ATXN7L1: variants seen among roughly 807,000 people sequenced by gnomAD.
The protein encoded by ATXN7L1 is ataxin-7-like protein 1.
ATXN7L1 carries 15 observed loss-of-function variants against 70.8 expected under a neutral mutation model. That is an observed-to-expected ratio of 0.21 (90% CI 0.14 to 0.33). The LOEUF is 0.33. ATXN7L1 is among the 10% of genes least tolerant of loss of function. The probability of loss-of-function intolerance (pLI) is 1.00; values close to 1 mark genes in which losing one functional copy is unlikely to be tolerated. For missense variants in ATXN7L1, 975 were observed against 1,097.1 expected, an observed-to-expected ratio of 0.89 and a Z score of 1.57; for synonymous variants, 440 against 445.1, an observed-to-expected ratio of 0.99 and a Z score of 0.14.
intron 7 of ATXN7L1, among the ~76,000 whole-genome samples, chr7:105,634,335 T>C (rs1187752959): frequency 1.3e-5 from 2 of 152,174 alleles, no homozygotes. Flanking sequence ...CTTACCACTT[T>C]GAGGAAGCAG....
chr7:105,681,823 G>C (rs180861679), intron 3 of ATXN7L1, among the ~76,000 whole-genome samples: 6 of 152,272 alleles, frequency 3.9e-5, no homozygotes, highest in African/African-American at 1.2e-4. Context: ...TGAGGTGCTC[G>C]AGATAGTCAA....
intron 3 of ATXN7L1, among the ~76,000 whole-genome samples, chr7:105,682,487 A>T (rs1208767823): frequency 6.6e-6 from 1 of 152,268 alleles, no homozygotes; most frequent in Admixed American, 6.5e-5. Flanking sequence ...AAATGTTCAT[A>T]GCTGCTCTAT....
intron 7 of ATXN7L1, among the ~76,000 whole-genome samples, chr7:105,628,885 A>G (rs1167963792): frequency 1.3e-5 from 2 of 152,084 alleles, no homozygotes; most frequent in East Asian, 1.9e-4. Context: ...ATATGTGTAC[A>G]CTGTAAAATG....
intron 3 of ATXN7L1, among the ~76,000 whole-genome samples, chr7:105,688,962 G>T (rs946127638): frequency 6.6e-6 from 1 of 152,192 alleles, no homozygotes; most frequent in South Asian, 2.1e-4. Context: ...CATGGCTGTT[G>T]TTCCAGAAAA....
intron 5 of ATXN7L1, among the ~76,000 whole-genome samples, chr7:105,641,776 A>G (rs1350378264): frequency 6.6e-6 from 1 of 152,270 alleles, no homozygotes; most frequent in Admixed American, 6.5e-5. Flanking sequence ...ACAGTGGGTG[A>G]GCAGCGCAGG....
At chr7:105,809,221 G>C (rs185398310) in intron 2 of ATXN7L1, among the ~76,000 whole-genome samples, 3 of 152,320 alleles carry the variant, frequency 2.0e-5, no homozygotes, top group African/African-American at 7.2e-5. Context: ...CAAAGGGTTA[G>C]TGACTAATAT....
chr7:105,674,083 G>A (rs1020479782), intron 3 of ATXN7L1, among the ~76,000 whole-genome samples: 21 of 152,202 alleles, frequency 1.4e-4, no homozygotes, highest in Non-Finnish European at 2.6e-4. Context: ...AAAGATGGCA[G>A]GGCTGAGGAG....
chr7:105,707,062 C>T lies in ATXN7L1; in HGVS notation c.356-41774G>A, dbSNP rs548132123. 7.9e-5 allele frequency among the ~76,000 whole-genome samples: 12 copies of T among 152,306 alleles called. No homozygotes were observed. In the East Asian group the frequency reaches 1.9e-3, roughly 24 times the overall value. ...TGCACAGCATTTAGCACTTCTACTC[C>T]GATGGATGCCAGTTACCACAACAGC... On this transcript the variant is annotated intron_variant, in intron 3 of 11. Transcript: ENST00000419735.
intron 3 of ATXN7L1, among the ~76,000 whole-genome samples, chr7:105,769,005 G>A (rs1801642920): frequency 6.6e-6 from 1 of 152,218 alleles, no homozygotes; most frequent in African/African-American, 2.4e-5. Context: ...GTTGTGGGGA[G>A]TCAGGAATCC....
intron 2 of ATXN7L1, among the ~76,000 whole-genome samples, chr7:105,846,639 T>C (rs962193738): frequency 8.5e-5 from 13 of 152,236 alleles, no homozygotes; most frequent in African/African-American, 3.1e-4. Flanking sequence ...AGAAAACATA[T>C]GTCCACAAAA....
chr7:105,846,236 T>C (rs1282049807), intron 2 of ATXN7L1, among the ~76,000 whole-genome samples: 1 of 152,070 alleles, frequency 6.6e-6, no homozygotes, highest in African/African-American at 2.4e-5. Flanking sequence ...CTATTAGGGA[T>C]GCTAAGGTGG....
In ATXN7L1 at chr7:105,788,692, G is replaced by A; in HGVS notation, c.267C>T (p.Gly89=). The change falls in exon 3 of 12, where the codon GGC becomes GGT. Residue 89 remains glycine, a synonymous_variant. Transcript: ENST00000419735. ...AGAAGTCGTCATGTGCTGGGTAATGGCCAAATAAGTGCATATCTGTGGGGG... is the reference window on the plus strand; with the variant it reads ...AGAAGTCGTCATGTGCTGGGTAATGACCAAATAAGTGCATATCTGTGGGGG... ...RLNKEDMHLF[G]HYPAHDDFYL... 6.2e-7 allele frequency: 1 copy of A among 1,612,534 alleles called. No homozygotes were observed. Among genetic ancestry groups the A allele is most frequent in the Non-Finnish European group, 8.5e-7 (1 of 1,178,574 alleles).
Position 105,850,280 on chromosome 7 carries a change from G to A in ATXN7L1, c.250+25532C>T, listed in dbSNP as rs867288658. Among the ~76,000 whole-genome samples the A allele has an allele frequency of 3.5e-4, 53 of 152,336 alleles. 1 individual carries two copies. The highest frequency in any genetic ancestry group is 3.4e-3 in the Middle Eastern group (1 of 294). On this transcript the variant is annotated intron_variant, in intron 2 of 11. Transcript: ENST00000419735. ...CCATTTCCAGATGTCATTTCCTCAT[G>A]CCTGTCATGCCCCATGGCATCGGGA... is the stretch of plus-strand genomic sequence containing the variant.
intron 3 of ATXN7L1, among the ~76,000 whole-genome samples, chr7:105,786,955 G>A (rs1220161691): frequency 6.6e-6 from 1 of 152,190 alleles, no homozygotes; most frequent in African/African-American, 2.4e-5. Context: ...ACGCACAGAA[G>A]CACTGGTCAC....
At chr7:105,767,329 A>C (rs555683994) in intron 3 of ATXN7L1, among the ~76,000 whole-genome samples, 15 of 152,074 alleles carry the variant, frequency 9.9e-5, no homozygotes, top group African/African-American at 2.7e-4. Context: ...CCGGCCCTCC[A>C]TAAGCCCCTA....
At chr7:105,815,234 T>C (rs1202562147) in intron 2 of ATXN7L1, among the ~76,000 whole-genome samples, 1 of 152,240 alleles carries the variant, frequency 6.6e-6, no homozygotes, top group Non-Finnish European at 1.5e-5. Flanking sequence ...CAAGACCATC[T>C]GAGAGTCAGA....
At chr7:105,726,298 A>G in intron 3 of ATXN7L1, among the ~76,000 whole-genome samples, 1 of 152,112 alleles carries the variant, frequency 6.6e-6, no homozygotes, top group South Asian at 2.1e-4. Context: ...TTCCAAGAGC[A>G]CAAAGAAGGC....
At position 105,761,111 on chromosome 7, in the gene ATXN7L1, T is replaced by G. The variant is rs147747039; in HGVS notation, c.355+27493A>C. 7.2e-6 allele frequency: 8 copies of G among 1,112,338 alleles called. No homozygotes were observed. The African/African-American group carries it at 1.3e-4, about 18-fold the overall frequency. 68.9% of individuals were successfully genotyped at this position (1,112,338 alleles called of 1,614,324 possible). ...GGAACAGCTGGAAGGCTTTTGCAGT[T>G]GTCCAGGTGGGAATTGATGGCAGCT... On this transcript the variant is annotated intron_variant, in intron 3 of 11. Coordinates refer to ENST00000419735, the MANE Select transcript of ATXN7L1 (RefSeq NM_020725.2).
At chr7:105,619,527 T>C (rs1280017188) in intron 9 of ATXN7L1, among the ~76,000 whole-genome samples, 1 of 14,866 alleles carries the variant, frequency 6.7e-5, no homozygotes, top group Non-Finnish European at 1.1e-4. Context: ...TATATATATA[T>C]ATATTTTTTT....
Sources: gnomAD v4.1 joint callset for allele counts (sites outside exome capture counted in the v4.1 genomes callset) on GRCh38, gnomAD v4.1.1 for gene constraint, MANE v1.5 for transcripts, NCBI Gene and HGNC (gene_info 2026-07-23, HGNC 2026-07-21) for gene names.